The following SHISA9 variants were observed in gnomAD, a reference collection of about 807,000 sequenced individuals.
SHISA9 encodes shisa family member 9.
In SHISA9, 13 loss-of-function variants were observed where a neutral mutation model predicts 38.0. That is an observed-to-expected ratio of 0.34 (90% CI 0.22 to 0.54). SHISA9 has a LOEUF of 0.54. Ranked by LOEUF, SHISA9 falls within the 20% of genes least tolerant of loss-of-function variation. The pLI is 0.91. For synonymous variants in SHISA9, 275 were observed against 242.0 expected (o/e 1.14, Z -1.27); for missense variants, 538 against 575.8 (o/e 0.93, Z 0.67).
the SHISA9 span, among the ~76,000 whole-genome samples, chr16:13,486,397 T>G: frequency 6.6e-6 from 1 of 152,174 alleles, no homozygotes; most frequent in Non-Finnish European, 1.5e-5. Flanking sequence ...CCAAGAATAA[T>G]CCTAGTACCC....
intron 2 of SHISA9, among the ~76,000 whole-genome samples, chr16:12,970,390 TA>T (rs2072048895): frequency 2.2e-4 from 2 of 9,120 alleles, no homozygotes; most frequent in Admixed American, 2.0e-3. Flanking sequence ...TACATATATG[TA>T]TATATATATA....
At chr16:13,087,820 C>G (rs766073560) in intron 2 of SHISA9, among the ~76,000 whole-genome samples, 94 of 151,794 alleles carry the variant, frequency 6.2e-4, no homozygotes, top group Admixed American at 1.2e-3. Context: ...TGCAGAAGCT[C>G]TTTAATTAGA....
At chr16:13,521,173 G>A in the SHISA9 span, among the ~76,000 whole-genome samples, 8 of 152,280 alleles carry the variant, frequency 5.3e-5, no homozygotes, top group African/African-American at 1.9e-4. Flanking sequence ...TCATTACTGG[G>A]TGGAAAATTT....
At chr16:13,479,634 T>C in the SHISA9 span, among the ~76,000 whole-genome samples, 1 of 152,176 alleles carries the variant, frequency 6.6e-6, no homozygotes, top group Non-Finnish European at 1.5e-5. Context: ...CTCCATAACA[T>C]GCTAATCACG....
At chr16:12,907,728 C>T (rs145921724) in intron 1 of SHISA9, among the ~76,000 whole-genome samples, 41 of 152,110 alleles carry the variant, frequency 2.7e-4, no homozygotes, top group African/African-American at 9.9e-4. Context: ...GACTCAGTTG[C>T]CAACATTTAC....
chr16:13,197,749 A>T (rs182854668), intron 2 of SHISA9: 1 of 152,110 alleles, frequency 6.6e-6, no homozygotes. Context: ...GGAGGGGGGA[A>T]TTTTCTTGTG....
chr16:13,265,593 T>A, the SHISA9 span, among the ~76,000 whole-genome samples: 1 of 98,830 alleles, frequency 1.0e-5, no homozygotes, highest in Non-Finnish European at 1.9e-5. Flanking sequence ...TTCCCTCCCC[T>A]CTCCTTCCCT....
chr16:13,400,125 A>G, the SHISA9 span, among the ~76,000 whole-genome samples: 1 of 152,168 alleles, frequency 6.6e-6, no homozygotes, highest in Non-Finnish European at 1.5e-5. Context: ...AGCAGGTTAG[A>G]AATACTGGAG....
chr16:13,288,219 G>T, the SHISA9 span, among the ~76,000 whole-genome samples: 2 of 152,136 alleles, frequency 1.3e-5, no homozygotes, highest in African/African-American at 4.8e-5. Flanking sequence ...GGACCATGTT[G>T]GCTATTGGTC....
At position 12,902,119 on chromosome 16, in the gene SHISA9, C is replaced by G. The variant is rs1241926773; in HGVS notation, c.55C>G (p.Arg19Gly). Residue 19 changes from arginine to glycine, a missense_variant, in exon 1 of 5, where the codon CGC becomes GGC. By Grantham distance (125) the Arg-to-Gly change is moderately radical. Coordinates refer to ENST00000558583, the MANE Select transcript of SHISA9 (RefSeq NM_001145204.3). ...TTGCTTCCTCACCGAGCTGTGCGCC[C>G]GCGTGTGCCGGGCGCAGGAGCGAGC... ...LGCFLTELCA[R>G]VCRAQERAGH... is the part of the protein sequence containing the mutation. 2 of 1,500,454 alleles carry G rather than the reference C, an allele frequency of 1.3e-6. No individual in the cohort carries two copies. Among genetic ancestry groups the G allele is most frequent in the Non-Finnish European group, 1.8e-6 (2 of 1,133,556 alleles). 92.9% of individuals were successfully genotyped at this position (1,500,454 alleles called of 1,614,324 possible). A position where few individuals can be genotyped will look rare whatever the true frequency, so the allele number is the denominator to read the frequency against.
chr16:12,910,282 GGC>G (rs34166680), intron 1 of SHISA9: 133,416 of 192,730 alleles, frequency 0.69, 47,780 homozygotes, highest in East Asian at 0.78. Flanking sequence ...TGGTTTACCT[GGC>G]ACAACAAAGT....
At chr16:13,008,937 G>A (rs1265766390) in intron 2 of SHISA9, among the ~76,000 whole-genome samples, 5 of 152,000 alleles carry the variant, frequency 3.3e-5, no homozygotes, top group Non-Finnish European at 5.9e-5. Flanking sequence ...AAAACAGTAG[G>A]TGGGCAACAT....
chr16:13,530,822 C>T, the SHISA9 span, among the ~76,000 whole-genome samples: 1 of 152,088 alleles, frequency 6.6e-6, no homozygotes, highest in East Asian at 1.9e-4. Context: ...GGAGAAAATC[C>T]CATTCCCTCC....
At chr16:13,323,556 A>G in the SHISA9 span, among the ~76,000 whole-genome samples, 1 of 152,164 alleles carries the variant, frequency 6.6e-6, no homozygotes, top group African/African-American at 2.4e-5. Flanking sequence ...CACTACTATA[A>G]AGAACTGCTT....
chr16:13,469,409 GAAAGAAAGAAAGAA>G, the SHISA9 span, among the ~76,000 whole-genome samples: 15 of 124,590 alleles, frequency 1.2e-4, no homozygotes, highest in South Asian at 1.8e-3. Flanking sequence ...AAGAAAGAAA[GAAAGAAAGAAAGAA>G]AAAGAAAGAA....
intron 2 of SHISA9, among the ~76,000 whole-genome samples, chr16:13,197,154 TATAGAG>T (rs1326492042): frequency 2.7e-5 from 4 of 148,644 alleles, no homozygotes; most frequent in Admixed American, 6.7e-5. Flanking sequence ...TGTATATATA[TATAGAG>T]AGAGAGAGAG....
intron 2 of SHISA9, among the ~76,000 whole-genome samples, chr16:13,113,055 C>T (rs1435916180): frequency 6.6e-6 from 1 of 151,602 alleles, no homozygotes. Context: ...ATTAAAAATA[C>T]AAAAATTAGC....
chr16:13,316,600 A>G, the SHISA9 span, among the ~76,000 whole-genome samples: 233 of 152,302 alleles, frequency 1.5e-3, 1 homozygote, highest in African/African-American at 5.0e-3. Flanking sequence ...AATGACTTCA[A>G]TAACTTTCAC....
chr16:13,388,681 T>C, the SHISA9 span, among the ~76,000 whole-genome samples: 1 of 152,144 alleles, frequency 6.6e-6, no homozygotes, highest in Non-Finnish European at 1.5e-5. Flanking sequence ...GGCTTATTGG[T>C]AGCCTTTCTG....
Sources: allele counts gnomAD v4.1 joint callset (sites outside exome capture counted in the v4.1 genomes callset), GRCh38; gene constraint gnomAD v4.1.1; transcripts MANE v1.5; gene names NCBI Gene and HGNC (gene_info 2026-07-23, HGNC 2026-07-21).